PSD3: variants seen among roughly 807,000 people sequenced by gnomAD.
PSD3 encodes pleckstrin and Sec7 domain containing 3.
A neutral mutation model predicts 105.5 loss-of-function variants in PSD3; 49 were observed. That is an observed-to-expected ratio of 0.46 (90% CI 0.37 to 0.59). The LOEUF (loss-of-function observed/expected upper bound fraction) is 0.59, where lower values mean the gene tolerates loss of function less well. Ranked by LOEUF, PSD3 falls within the 20% of genes least tolerant of loss-of-function variation. The probability of loss-of-function intolerance (pLI) is 0.00; values close to 1 mark genes in which losing one functional copy is unlikely to be tolerated. For missense variants in PSD3, 1,561 were observed against 1,263.8 expected (o/e 1.24, Z -3.57); for synonymous variants, 557 against 457.8 (o/e 1.22, Z -2.77).
chr8:18,616,772 C>G (rs910659536), intron 11 of PSD3, among the ~76,000 whole-genome samples: 29 of 150,624 alleles, frequency 1.9e-4, no homozygotes, highest in Non-Finnish European at 4.0e-4. Context: ...TACAGGCGCC[C>G]GCCACCACGC....
chr8:18,920,563 G>A (rs1174705145), intron 2 of PSD3, among the ~76,000 whole-genome samples: 2 of 152,144 alleles, frequency 1.3e-5, no homozygotes, highest in Non-Finnish European at 2.9e-5. Flanking sequence ...ATCTTCTCTC[G>A]ATTTACATGG....
Position 18,808,795 on chromosome 8 carries a change from C to G in PSD3, c.1635-3897G>C, listed in dbSNP as rs1043659079. On this transcript the variant is annotated intron_variant, in intron 4 of 15. Transcript: ENST00000327040. ...CACCAAGAAGAGCCCATCGCAACCC[C>G]TGGGGTGCGCCTGGACCATCCTTCC... is the stretch of plus-strand genomic sequence containing the variant. The G allele has an allele frequency of 4.3e-6, 7 of 1,613,918 alleles. No individual in the cohort carries two copies. The African/African-American group carries it at 8.0e-5, about 18-fold the overall frequency.
At chr8:19,077,798 T>A (rs1027589928) in intron 1 of PSD3, among the ~76,000 whole-genome samples, 2 of 152,164 alleles carry the variant, frequency 1.3e-5, no homozygotes, top group Non-Finnish European at 2.9e-5. Context: ...ACATGCTAAG[T>A]CATAAGGTAC....
chr8:18,708,201 C>A (rs948898460), intron 9 of PSD3, among the ~76,000 whole-genome samples: 2 of 152,160 alleles, frequency 1.3e-5, no homozygotes, highest in East Asian at 3.9e-4. Flanking sequence ...CTTCTTTACA[C>A]ATATGGCAAA....
intron 12 of PSD3, among the ~76,000 whole-genome samples, chr8:18,578,164 G>T (rs1802576307): frequency 6.6e-6 from 1 of 151,860 alleles, no homozygotes; most frequent in African/African-American, 2.4e-5. Flanking sequence ...ATCACATATG[G>T]GTTTTCCTTT....
rs1299726831 is a variant in PSD3, at chr8:18,804,691, G to A, written c.1829+13C>T. 1 of 1,613,310 alleles carries A rather than the reference G, an allele frequency of 6.2e-7. No individual in the cohort carries two copies. Among genetic ancestry groups the A allele is most frequent in the East Asian group, 2.2e-5 (1 of 44,858 alleles). On this transcript the variant is annotated intron_variant, in intron 5 of 15. Transcript: ENST00000327040. ...GGAGAGAATTCAGACTCCAGCAATGGGTCAGAACGTACTTCTTGCCAAGGT... is the reference window on the plus strand; with the variant it reads ...GGAGAGAATTCAGACTCCAGCAATGAGTCAGAACGTACTTCTTGCCAAGGT...
intron 4 of PSD3, among the ~76,000 whole-genome samples, chr8:18,812,179 A>G (rs1027958284): frequency 4.6e-5 from 7 of 152,166 alleles, no homozygotes; most frequent in African/African-American, 9.7e-5. Flanking sequence ...GCACAATCTG[A>G]TGTTGACGCT....
intron 1 of PSD3, among the ~76,000 whole-genome samples, chr8:19,066,363 G>T (rs544447351): frequency 1.1e-3 from 173 of 152,240 alleles, no homozygotes; most frequent in African/African-American, 3.8e-3. Context: ...GCTGGATATA[G>T]GCCATTTTGT....
chr8:18,684,309 C>T (rs1800547600), intron 9 of PSD3, among the ~76,000 whole-genome samples: 1 of 151,688 alleles, frequency 6.6e-6, no homozygotes, highest in Non-Finnish European at 1.5e-5. Context: ...AATTCATTAA[C>T]ATTCCAAAAA....
At chr8:18,819,112 C>T (rs1292953602) in intron 4 of PSD3, among the ~76,000 whole-genome samples, 1 of 152,110 alleles carries the variant, frequency 6.6e-6, no homozygotes, top group East Asian at 1.9e-4. Flanking sequence ...ACAACTGGTA[C>T]CCAGAGACAG....
chr8:18,768,519 C>T (rs1490017089), intron 8 of PSD3, among the ~76,000 whole-genome samples: 1 of 152,044 alleles, frequency 6.6e-6, no homozygotes, highest in African/African-American at 2.4e-5. Flanking sequence ...ATCGCTTGAG[C>T]CCAGGATGTT....
intron 4 of PSD3, among the ~76,000 whole-genome samples, chr8:18,828,036 A>T (rs1467443044): frequency 2.2e-5 from 3 of 134,868 alleles, no homozygotes; most frequent in Admixed American, 7.7e-5. Context: ...ACATATATAT[A>T]ATATATATAT....
intron 1 of PSD3, among the ~76,000 whole-genome samples, chr8:18,971,030 T>A (rs1375085142): frequency 6.6e-6 from 1 of 151,020 alleles, no homozygotes; most frequent in Non-Finnish European, 1.5e-5. Flanking sequence ...AAATAGCAAT[T>A]ATCCACCCCA....
chr8:18,874,469 T>A (rs925103021), intron 2 of PSD3, among the ~76,000 whole-genome samples: 1 of 152,016 alleles, frequency 6.6e-6, no homozygotes, highest in Non-Finnish European at 1.5e-5. Context: ...CTGGCCATTG[T>A]TACCATTTTT....
intron 8 of PSD3, among the ~76,000 whole-genome samples, chr8:18,790,018 A>T (rs1192797199): frequency 6.6e-6 from 1 of 152,134 alleles, no homozygotes; most frequent in African/African-American, 2.4e-5. Context: ...GGTATTTTCC[A>T]TATATAAACC....
chr8:18,604,421 G>C (rs1381096260), intron 11 of PSD3, among the ~76,000 whole-genome samples: 1 of 152,068 alleles, frequency 6.6e-6, no homozygotes, highest in Non-Finnish European at 1.5e-5. Flanking sequence ...ATGTGGTCTG[G>C]CTGTTTCTAA....
intron 9 of PSD3, among the ~76,000 whole-genome samples, chr8:18,663,180 C>A (rs939153833): frequency 1.3e-5 from 2 of 152,160 alleles, no homozygotes; most frequent in Non-Finnish European, 2.9e-5. Flanking sequence ...GTAATCCCAG[C>A]ACTTTGGGAG....
intron 1 of PSD3, among the ~76,000 whole-genome samples, chr8:19,044,607 C>T (rs748958298): frequency 3.3e-5 from 5 of 152,108 alleles, no homozygotes; most frequent in Non-Finnish European, 5.9e-5. Context: ...TTCCATAGTC[C>T]TTAATCTTGT....
At chr8:18,699,810 T>A (rs1373027592) in intron 9 of PSD3, among the ~76,000 whole-genome samples, 1 of 151,938 alleles carries the variant, frequency 6.6e-6, no homozygotes, top group Admixed American at 6.6e-5. Flanking sequence ...AAGCCAAAGT[T>A]CATTAGGGTT....
Sources: gnomAD v4.1 joint callset for allele counts (sites outside exome capture counted in the v4.1 genomes callset) on GRCh38, gnomAD v4.1.1 for gene constraint, MANE v1.5 for transcripts, NCBI Gene and HGNC (gene_info 2026-07-23, HGNC 2026-07-21) for gene names.